The following NUGGC variants were observed in gnomAD, a reference collection of about 807,000 sequenced individuals.
NUGGC encodes nuclear GTPase SLIP-GC.
Under a neutral mutation model 92.6 loss-of-function variants are expected in NUGGC, and 58 were observed. The observed-to-expected ratio is 0.63, with a 90% CI of 0.51 to 0.78. The LOEUF (loss-of-function observed/expected upper bound fraction) is 0.78. Among genes scored for constraint, NUGGC ranks in the 30% least tolerant of loss-of-function variants. The probability of loss-of-function intolerance (pLI) is 0.00; values close to 1 mark genes in which losing one functional copy is unlikely to be tolerated. For missense variants in NUGGC, 925 were observed against 964.6 expected (o/e 0.96, Z 0.54); for synonymous variants, 376 against 366.4 (o/e 1.03, Z -0.30).
chr8:28,074,677 G>T (rs1376558582), intron 1 of NUGGC, among the ~76,000 whole-genome samples: 5 of 152,216 alleles, frequency 3.3e-5, no homozygotes, highest in Non-Finnish European at 4.4e-5. Context: ...AGTGGCTCAT[G>T]CCTGTAATCC....
At chr8:28,048,854 C>A (rs1176193884) in intron 10 of NUGGC, among the ~76,000 whole-genome samples, 1 of 106,756 alleles carries the variant, frequency 9.4e-6, no homozygotes, top group African/African-American at 3.8e-5. Context: ...CAGAGAGATT[C>A]CATCTCAAAA....
chr8:28,039,234 ATT>A (rs201712679), intron 13 of NUGGC, among the ~76,000 whole-genome samples: 49,108 of 142,138 alleles, frequency 0.35, 8,254 homozygotes, highest in East Asian at 0.47. Flanking sequence ...ACTTATCTAG[ATT>A]TTTTTTTTTT....
intron 10 of NUGGC, among the ~76,000 whole-genome samples, chr8:28,049,089 A>C (rs1585573736): frequency 6.6e-6 from 1 of 152,238 alleles, no homozygotes; most frequent in South Asian, 2.1e-4. Flanking sequence ...AAGAGTTGTC[A>C]ATCTCTTTCT....
chr8:28,032,991 CA>C (rs944736645), intron 14 of NUGGC, among the ~76,000 whole-genome samples: 2 of 151,926 alleles, frequency 1.3e-5, no homozygotes, highest in Non-Finnish European at 2.9e-5. Context: ...ACTGTCTCTA[CA>C]AAAAATATTT....
intron 2 of NUGGC, among the ~76,000 whole-genome samples, chr8:28,070,922 T>C (rs1810575892): frequency 6.6e-6 from 1 of 150,910 alleles, no homozygotes; most frequent in Admixed American, 6.6e-5. Flanking sequence ...AGCCCAGGAG[T>C]TGTAGGCTGC....
In NUGGC at chr8:28,064,625, T is replaced by C; in HGVS notation, c.818A>G (p.Glu273Gly). Residue 273 changes from glutamate (E) to glycine (G), a missense_variant, in exon 7 of 19, where the codon GAA (glutamate) becomes GGA (glycine). Transcript: ENST00000413272. ...CAGGTCGGATTTGGGAAGTGTCACT[T>C]CCACATGTTTGATCAAGGGCCAGAT... Reference protein sequence around the residue: ...MRIWPLIKHVEVTLPKSDLIP... With the variant: ...MRIWPLIKHVGVTLPKSDLIP... 6.2e-7 allele frequency: 1 copy of C among 1,614,004 alleles called. No homozygotes were observed. Among genetic ancestry groups the C allele is most frequent in the South Asian group, 1.1e-5 (1 of 91,082 alleles).
intron 17 of NUGGC, among the ~76,000 whole-genome samples, chr8:28,027,966 A>T (rs1275137172): frequency 6.6e-6 from 1 of 152,236 alleles, no homozygotes; most frequent in Non-Finnish European, 1.5e-5. Context: ...TAATTTAAAA[A>T]AAGTAAATCT....
chr8:28,048,432 T>C (rs1359928817), intron 10 of NUGGC, among the ~76,000 whole-genome samples: 1 of 138,240 alleles, frequency 7.2e-6, no homozygotes, highest in East Asian at 2.4e-4. Context: ...TTTTGGGGGA[T>C]TTTTTTGTTT....
chr8:28,038,297 A>G (rs1343914066), intron 13 of NUGGC, among the ~76,000 whole-genome samples: 1 of 152,078 alleles, frequency 6.6e-6, no homozygotes, highest in African/African-American at 2.4e-5. Context: ...TAGTTCCCCA[A>G]ATGCTCTCTT....
chr8:28,032,584 G>T (rs1490546485), intron 14 of NUGGC, among the ~76,000 whole-genome samples: 1 of 152,082 alleles, frequency 6.6e-6, no homozygotes, highest in Non-Finnish European at 1.5e-5. Flanking sequence ...CAGGCATGGT[G>T]GCAGGTGCCT....
chr8:28,038,082 C>A (rs1809601895), intron 13 of NUGGC, among the ~76,000 whole-genome samples: 1 of 152,154 alleles, frequency 6.6e-6, no homozygotes, highest in African/African-American at 2.4e-5. Context: ...TCAGCTCATC[C>A]CCCAGGCCCT....
At chr8:28,055,736 G>T (rs1238708567) in intron 10 of NUGGC, among the ~76,000 whole-genome samples, 2 of 152,212 alleles carry the variant, frequency 1.3e-5, no homozygotes, top group Non-Finnish European at 2.9e-5. Flanking sequence ...GAGAGGCTGA[G>T]GTGGGAGGAT....
At chr8:28,053,421 C>T (rs1027468512) in intron 10 of NUGGC, among the ~76,000 whole-genome samples, 6 of 152,086 alleles carry the variant, frequency 3.9e-5, no homozygotes, top group South Asian at 4.2e-4. Flanking sequence ...AGGAATTCAA[C>T]GTTGCAGTGA....
intron 6 of NUGGC, among the ~76,000 whole-genome samples, chr8:28,065,336 A>T (rs1305807382): frequency 6.6e-6 from 1 of 151,884 alleles, no homozygotes; most frequent in Non-Finnish European, 1.5e-5. Context: ...TTTTTGTTGT[A>T]TTTTTAGTAG....
At chr8:28,026,376 G>T (rs1056647286) in intron 18 of NUGGC, among the ~76,000 whole-genome samples, 2 of 152,142 alleles carry the variant, frequency 1.3e-5, no homozygotes, top group African/African-American at 4.8e-5. Context: ...TATACCGGGG[G>T]CCTGATGGAG....
intron 1 of NUGGC, 108 bp from the exon 2 acceptor site, chr8:28,074,564 A>G (rs1433654741): frequency 7.1e-6 from 5 of 700,682 alleles, no homozygotes. Context: ...GCCCATTCCA[A>G]CGTATCTCTG....
chr8:28,067,924 AC>A (rs1810484286), intron 5 of NUGGC, among the ~76,000 whole-genome samples, 180 bp from the exon 6 acceptor site: 1 of 152,182 alleles, frequency 6.6e-6, no homozygotes, highest in Non-Finnish European at 1.5e-5. Context: ...AAATGCAAGG[AC>A]CAGGCTAGAC....
At chr8:28,043,004 G>C (rs187706176) in intron 12 of NUGGC, among the ~76,000 whole-genome samples, 2 of 152,074 alleles carry the variant, frequency 1.3e-5, no homozygotes, top group African/African-American at 4.8e-5. Flanking sequence ...TTTAGCATTC[G>C]GTGCACCCCG....
chr8:28,062,425 G>C (rs145627231), intron 7 of NUGGC, among the ~76,000 whole-genome samples: 2,461 of 151,540 alleles, frequency 0.016, 57 homozygotes, highest in African/African-American at 0.051. Flanking sequence ...TCACCAGCCT[G>C]GGCAATATGG....
Sources: gnomAD v4.1 joint callset for allele counts (sites outside exome capture counted in the v4.1 genomes callset) on GRCh38, gnomAD v4.1.1 for gene constraint, MANE v1.5 for transcripts, NCBI Gene and HGNC (gene_info 2026-07-23, HGNC 2026-07-21) for gene names.